CAST: variants seen among roughly 807,000 people sequenced by gnomAD.
The protein encoded by CAST is calpastatin.
A neutral mutation model predicts 119.6 loss-of-function variants in CAST; 76 were observed. That is an observed-to-expected ratio of 0.64 (90% confidence interval 0.53 to 0.77). The LOEUF (loss-of-function observed/expected upper bound fraction) is 0.77, where lower values mean the gene tolerates loss of function less well. CAST is among the 30% of genes least tolerant of loss of function. The pLI, the probability that CAST is intolerant of heterozygous loss-of-function variation, is 0.00. For missense variants in CAST, 953 were observed against 946.5 expected, an observed-to-expected ratio of 1.01 and a Z score of -0.09; for synonymous variants, 319 against 331.6, an observed-to-expected ratio of 0.96 and a Z score of 0.41.
the CAST span, among the ~76,000 whole-genome samples, chr5:96,452,956 CA>C: frequency 4.0e-4 from 25 of 62,716 alleles, 1 homozygote; most frequent in South Asian, 1.3e-3. Context: ...GACTCCGTCT[CA>C]AAAAAAAAAA....
intron 25 of CAST, 83 bp downstream of exon 25, chr5:96,762,455 A>G (rs2150687306): frequency 1.1e-6 from 1 of 920,916 alleles, no homozygotes; most frequent in Non-Finnish European, 1.6e-6. Context: ...TTTAAAGCAA[A>G]TGAAAATAGG....
At chr5:96,440,797 C>G in the CAST span, among the ~76,000 whole-genome samples, 2 of 152,146 alleles carry the variant, frequency 1.3e-5, no homozygotes, top group Non-Finnish European at 2.9e-5. Flanking sequence ...TTTCCTAGTG[C>G]TCTACAGCTG....
the CAST span, among the ~76,000 whole-genome samples, chr5:96,198,057 C>G: frequency 6.6e-6 from 1 of 152,182 alleles, no homozygotes; most frequent in Non-Finnish European, 1.5e-5. Flanking sequence ...AATCACCACG[C>G]TGGCCCAACC....
chr5:96,478,709 T>C, the CAST span, among the ~76,000 whole-genome samples: 1 of 152,258 alleles, frequency 6.6e-6, no homozygotes, highest in African/African-American at 2.4e-5. Flanking sequence ...ATTTCTTTAC[T>C]GACTTTTACC....
the CAST span, among the ~76,000 whole-genome samples, chr5:96,449,404 T>C: frequency 2.0e-5 from 3 of 152,210 alleles, no homozygotes; most frequent in Non-Finnish European, 1.5e-5. Context: ...CATGCTCTTA[T>C]GAGAATCTAA....
the CAST span, among the ~76,000 whole-genome samples, chr5:96,362,221 T>C: frequency 6.6e-6 from 1 of 152,190 alleles, no homozygotes; most frequent in Non-Finnish European, 1.5e-5. Flanking sequence ...ATTTTCTTAA[T>C]CCAGTCTATC....
chr5:96,071,660 C>G, the CAST span, among the ~76,000 whole-genome samples: 1 of 152,186 alleles, frequency 6.6e-6, no homozygotes, highest in Non-Finnish European at 1.5e-5. Flanking sequence ...GGTTTTTCCT[C>G]TCACTTGGGA....
At chr5:96,633,818 G>T (rs1161320391) in intron 1 of CAST, among the ~76,000 whole-genome samples, 1 of 152,186 alleles carries the variant, frequency 6.6e-6, no homozygotes, top group African/African-American at 2.4e-5. Context: ...CTAGCGAAAG[G>T]TTCAGCTTCA....
chr5:96,007,210 T>C, the CAST span, among the ~76,000 whole-genome samples: 1 of 152,126 alleles, frequency 6.6e-6, no homozygotes, highest in Non-Finnish European at 1.5e-5. Context: ...CCCTTTGAGA[T>C]TTGTTGACTT....
the CAST span, among the ~76,000 whole-genome samples, chr5:96,042,146 G>A: frequency 6.6e-6 from 1 of 152,116 alleles, no homozygotes; most frequent in African/African-American, 2.4e-5. Flanking sequence ...TGAGAAAGAA[G>A]CCAACAAAAT....
At chr5:96,752,958 T>G (rs1765447240) in intron 20 of CAST, among the ~76,000 whole-genome samples, 1 of 106,204 alleles carries the variant, frequency 9.4e-6, no homozygotes. Context: ...ATGATGCATT[T>G]TATACACACA....
chr5:96,704,743 C>T (rs909633057), intron 3 of CAST, among the ~76,000 whole-genome samples: 4 of 152,154 alleles, frequency 2.6e-5, no homozygotes, highest in Non-Finnish European at 4.4e-5. Context: ...AAGAACATAT[C>T]GCATAGTTTT....
intron 1 of CAST, among the ~76,000 whole-genome samples, chr5:96,580,269 T>C (rs1039253307): frequency 6.6e-6 from 1 of 152,196 alleles, no homozygotes; most frequent in African/African-American, 2.4e-5. Context: ...GTAGAAAAAG[T>C]ATCGTAAATC....
chr5:96,662,320 G>GCTCCCTCCCCCCCTCCCTCTCTCC, upstream of CAST: 1 of 818,872 alleles, frequency 1.2e-6, no homozygotes, highest in South Asian at 3.1e-5. Context: ...CGGGCCCTCC[G>GCTCCCTCCCCCCCTCCCTCTCTCC]CTCCCTCCCT....
At chr5:96,100,282 G>A in the CAST span, among the ~76,000 whole-genome samples, 3 of 152,172 alleles carry the variant, frequency 2.0e-5, no homozygotes, top group Non-Finnish European at 4.4e-5. Context: ...TGTATTTGGT[G>A]TATTAGATGT....
chr5:96,265,680 G>C, the CAST span, among the ~76,000 whole-genome samples: 1 of 152,114 alleles, frequency 6.6e-6, no homozygotes, highest in Non-Finnish European at 1.5e-5. Flanking sequence ...ACACCCAGAA[G>C]TAATGTTTTA....
At chr5:96,125,279 G>T in the CAST span, among the ~76,000 whole-genome samples, 17 of 152,212 alleles carry the variant, frequency 1.1e-4, no homozygotes, top group Middle Eastern at 6.8e-3. Context: ...AGTGACTGTT[G>T]GGTTGCTAGC....
At chr5:96,198,838 T>A in the CAST span, among the ~76,000 whole-genome samples, 1 of 152,158 alleles carries the variant, frequency 6.6e-6, no homozygotes, top group African/African-American at 2.4e-5. Flanking sequence ...TACATTTTTA[T>A]GACTTGAATT....
intron 22 of CAST, among the ~76,000 whole-genome samples, chr5:96,756,977 T>C (rs1262068418): frequency 6.6e-6 from 1 of 152,224 alleles, no homozygotes; most frequent in Non-Finnish European, 1.5e-5. Context: ...TTGCCAATGC[T>C]TACTTAGGTC....
Sources: gnomAD v4.1 joint callset for allele counts (sites outside exome capture counted in the v4.1 genomes callset) on GRCh38, gnomAD v4.1.1 for gene constraint, MANE v1.5 for transcripts, NCBI Gene and HGNC (gene_info 2026-07-23, HGNC 2026-07-21) for gene names.